GRIN2D: variants seen among roughly 807,000 people sequenced by gnomAD.
GRIN2D encodes the protein glutamate ionotropic receptor NMDA type subunit 2D, also known as glutamate receptor ionotropic, NMDA 2D.
Under a neutral mutation model 103.2 loss-of-function variants are expected in GRIN2D, and 37 were observed. That is an observed-to-expected ratio of 0.36 (90% CI 0.28 to 0.47). The LOEUF (loss-of-function observed/expected upper bound fraction) is 0.47, where lower values mean the gene tolerates loss of function less well. GRIN2D is among the 20% of genes least tolerant of loss of function. GRIN2D has a pLI of 1.00. For missense variants in GRIN2D, 1,557 were observed against 1,910.6 expected, an observed-to-expected ratio of 0.81 and a Z score of 3.45; for synonymous variants, 845 against 885.6, an observed-to-expected ratio of 0.95 and a Z score of 0.81.
At chr19:48,398,963 T>G (rs1310389480) in intron 3 of GRIN2D, 106 bp downstream of exon 3, 1 of 1,021,440 alleles carries the variant, frequency 9.8e-7, no homozygotes, top group Non-Finnish European at 1.3e-6. Context: ...GGGCGGGGAC[T>G]GTCCTGTGGG....
chr19:48,414,543 A>G lies in GRIN2D; in HGVS notation c.1371A>G (p.Arg457=). The change falls in exon 6 of 14, where the codon CGA becomes CGG. Residue 457 remains arginine, a synonymous_variant. Transcript: ENST00000263269. The surrounding 1 kb of genome is among the most constrained non-coding windows in gnomAD (Gnocchi z 4.6). ...PADPISGTCI[R]DSVPCRSQLN... ...ACCCTATCAGCGGCACCTGCATCCG[A>G]GACTCCGTCCCCTGCCGGAGCCAGC... 4 of 1,555,894 alleles carry G rather than the reference A, an allele frequency of 2.6e-6. No individual in the cohort carries two copies. The highest frequency in any genetic ancestry group is 3.5e-6 in the Non-Finnish European group (4 of 1,150,212).
chr19:48,435,275 T>A (rs1400638413), intron 11 of GRIN2D, among the ~76,000 whole-genome samples: 1 of 148,350 alleles, frequency 6.7e-6, no homozygotes, highest in Non-Finnish European at 1.5e-5. Flanking sequence ...GTCTACCCTT[T>A]AAGTGCCCAT....
chr19:48,433,533 C>T (rs150741082), intron 11 of GRIN2D, among the ~76,000 whole-genome samples: 2,371 of 152,240 alleles, frequency 0.016, 23 homozygotes, highest in Non-Finnish European at 0.026. Flanking sequence ...GCAGGCCAAA[C>T]GTGGGCTCAC....
intron 11 of GRIN2D, among the ~76,000 whole-genome samples, chr19:48,425,279 T>C (rs113668963): frequency 2.6e-5 from 4 of 152,172 alleles, no homozygotes; most frequent in Non-Finnish European, 5.9e-5. Flanking sequence ...TCTCGCTCTG[T>C]TGCCCAGGCT....
chr19:48,443,194 C>G lies in GRIN2D; in HGVS notation c.3268C>G (p.Pro1090Ala). 1 of 1,172,952 alleles carries G rather than the reference C, an allele frequency of 8.5e-7. No homozygotes were observed. The highest frequency in any genetic ancestry group is 1.1e-6 in the Non-Finnish European group (1 of 940,632). 72.7% of individuals were successfully genotyped at this position (1,172,952 alleles called of 1,614,324 possible). The change falls in exon 14 of 14, where the codon CCG (proline) becomes GCG (alanine). Residue 1090 changes from proline to alanine, a missense_variant. Coordinates refer to ENST00000263269, the MANE Select transcript of GRIN2D (RefSeq NM_000836.4). This position sits in a 1 kb window ranked among gnomAD's most constrained non-coding sequence, Gnocchi z 8.9. ...GGTGGAGGGAPAAPPPCRAAP... is the reference protein window; with the variant it reads ...GGTGGAGGGAAAAPPPCRAAP... ...CACGGGGGGCGCAGGCGGAGGAGCC[C>G]CGGCCGCTCCGCCCCCGTGCCGCGC...
rs1477215338 is a variant in GRIN2D at position 48,398,548 on chromosome 19, C to A, written c.156C>A (p.Asn52Lys). 3 of 1,148,278 alleles carry A rather than the reference C, an allele frequency of 2.6e-6. No homozygotes were observed. The highest frequency in any genetic ancestry group is 3.2e-6 in the Non-Finnish European group (3 of 935,070). The allele number at this position is 1,148,278 out of a possible 1,614,324, so 71.1% of individuals were successfully genotyped here. ...GCCTCGGCGGGGCGCGGCCGCTCAA[C>A]GTGGCGCTCGTGTTCTCGGGGCCCG... ...GGGLGGARPL[N>K]VALVFSGPAY... Residue 52 changes from asparagine (N) to lysine (K), a missense_variant, in exon 3 of 14, where the codon AAC (asparagine) becomes AAA (lysine). This residue lies in a region of GRIN2D where 490 missense variants were observed against 601.1 expected (regional missense o/e 0.82). Coordinates refer to ENST00000263269, the MANE Select transcript of GRIN2D (RefSeq NM_000836.4).
At chr19:48,406,059 G>A (rs1379546712) in intron 4 of GRIN2D, among the ~76,000 whole-genome samples, 1 of 152,188 alleles carries the variant, frequency 6.6e-6, no homozygotes, top group Non-Finnish European at 1.5e-5. Flanking sequence ...CTTACTGGTT[G>A]TTGACAGTGG....
intron 11 of GRIN2D, among the ~76,000 whole-genome samples, chr19:48,437,405 C>T (rs183483729): frequency 1.8e-4 from 27 of 152,250 alleles, no homozygotes; most frequent in African/African-American, 6.5e-4. Context: ...CAGGCATGAG[C>T]CAGGGCCCCT....
chr19:48,423,981 G>A (rs1971054536), intron 11 of GRIN2D, among the ~76,000 whole-genome samples: 1 of 151,960 alleles, frequency 6.6e-6, no homozygotes, highest in African/African-American at 2.4e-5. Flanking sequence ...ACTATGCCTG[G>A]CTAATTTTTG....
At chr19:48,435,299 T>TG (rs1019176444) in intron 11 of GRIN2D, among the ~76,000 whole-genome samples, 5 of 148,280 alleles carry the variant, frequency 3.4e-5, no homozygotes, top group African/African-American at 1.2e-4. Flanking sequence ...GCCACTTGTT[T>TG]TTTTTTTTTT....
chr19:48,419,402 C>A, intron 9 of GRIN2D, 43 bp downstream of exon 9: 2 of 1,577,554 alleles, frequency 1.3e-6, no homozygotes, highest in South Asian at 1.1e-5. Context: ...AGATCCCGAA[C>A]CACAGAGACA....
At chr19:48,411,291 C>T (rs1970855746) in intron 4 of GRIN2D, among the ~76,000 whole-genome samples, 1 of 151,426 alleles carries the variant, frequency 6.6e-6, no homozygotes, top group African/African-American at 2.4e-5. Context: ...CGCCATTGCA[C>T]TGCAATCTGG....
intron 11 of GRIN2D, among the ~76,000 whole-genome samples, chr19:48,424,944 T>TC (rs1156720286): frequency 6.6e-6 from 1 of 151,758 alleles, no homozygotes; most frequent in South Asian, 2.1e-4. Context: ...GACTCATCTC[T>TC]CCCCCTTCCC....
chr19:48,443,437 C>G lies in GRIN2D; in HGVS notation c.3511C>G (p.Pro1171Ala). 1 of 1,389,368 alleles carries G rather than the reference C, an allele frequency of 7.2e-7. No individual in the cohort carries two copies. The highest frequency in any genetic ancestry group is 9.3e-7 in the Non-Finnish European group (1 of 1,076,808). The allele number at this position is 1,389,368 out of a possible 1,614,324, so 86.1% of individuals were successfully genotyped here. ...CGCCGGGAGCTGGGACTACCTGCCCCCGCGCAGCGGTCCGGCCGCCTGGCA... is the reference window on the plus strand; with the variant it reads ...CGCCGGGAGCTGGGACTACCTGCCCGCGCGCAGCGGTCCGGCCGCCTGGCA... ...WRAGSWDYLP[P>A]RSGPAAWHCR... The change falls in exon 14 of 14, where the codon CCG becomes GCG. Residue 1171 changes from proline (P) to alanine (A), a missense_variant. Pro to Ala is a conservative substitution (Grantham distance 27, BLOSUM62 -1). Coordinates refer to ENST00000263269, the MANE Select transcript of GRIN2D (RefSeq NM_000836.4). The surrounding 1 kb of genome is among the most constrained non-coding windows in gnomAD (Gnocchi z 8.9).
At chr19:48,412,707 T>C (rs1970888967) in intron 4 of GRIN2D, among the ~76,000 whole-genome samples, 1 of 151,322 alleles carries the variant, frequency 6.6e-6, no homozygotes, top group Admixed American at 6.6e-5. Context: ...GAGAATTGCT[T>C]GAACCCGGGA....
At position 48,444,020 on chromosome 19, in the gene GRIN2D, G is replaced by A. The variant is rs1971348352; in HGVS notation, c.*83G>A. ...CGCCCGCAGTGGACAGGACCCGCGTGGGTTGGGAAGGAAAGCAGTGGAACT... is the reference window on the plus strand; with the variant it reads ...CGCCCGCAGTGGACAGGACCCGCGTAGGTTGGGAAGGAAAGCAGTGGAACT... On this transcript the variant is annotated 3_prime_UTR_variant, in exon 14 of 14. Transcript: ENST00000263269. The surrounding 1 kb of genome is among the most constrained non-coding windows in gnomAD (Gnocchi z 5.5). 1.1e-6 allele frequency: 1 copy of A among 924,382 alleles called. No homozygotes were observed. Among genetic ancestry groups the A allele is most frequent in the Non-Finnish European group, 1.5e-6 (1 of 679,094 alleles). The allele number at this position is 924,382 out of a possible 1,614,324, so 57.3% of individuals were successfully genotyped here.
intron 8 of GRIN2D, among the ~76,000 whole-genome samples, chr19:48,417,042 G>A (rs1037691223): frequency 6.6e-6 from 1 of 152,124 alleles, no homozygotes; most frequent in African/African-American, 2.4e-5. Context: ...ACTGCACCCG[G>A]ACAAGGGTTT....
rs1355391562 is a variant in GRIN2D, at chr19:48,398,557, C to G, written c.165C>G (p.Leu55=). The change falls in exon 3 of 14, where the codon CTC becomes CTG. Residue 55 remains leucine (L), a synonymous_variant. Coordinates refer to ENST00000263269, the MANE Select transcript of GRIN2D (RefSeq NM_000836.4). ...LGGARPLNVA[L]VFSGPAYAAE... ...GGGCGCGGCCGCTCAACGTGGCGCT[C>G]GTGTTCTCGGGGCCCGCGTACGCGG... The G allele has an allele frequency of 2.2e-5, 26 of 1,165,782 alleles. No homozygotes were observed. In the East Asian group the frequency reaches 9.6e-4, roughly 43 times the overall value. 72.2% of individuals were successfully genotyped at this position (1,165,782 alleles called of 1,614,324 possible). A position where few individuals can be genotyped will look rare whatever the true frequency, so the allele number is the denominator to read the frequency against.
intron 4 of GRIN2D, among the ~76,000 whole-genome samples, chr19:48,412,480 A>AG (rs1491578068): frequency 3.2e-4 from 48 of 149,962 alleles, no homozygotes; most frequent in African/African-American, 1.2e-3. Flanking sequence ...AAAGAAAGAA[A>AG]GAGAGAGAAA....
Sources: gnomAD v4.1 joint callset for allele counts (sites outside exome capture counted in the v4.1 genomes callset) on GRCh38, gnomAD v4.1.1 for gene constraint, gnomAD v4.1.1 regional missense constraint, Gnocchi (gnomAD v3.1) non-coding constraint, MANE v1.5 for transcripts, NCBI Gene and HGNC (gene_info 2026-07-23, HGNC 2026-07-21) for gene names.